Variants in PTPRT observed in about 807,000 individuals in gnomAD.
PTPRT encodes the protein receptor-type tyrosine-protein phosphatase T.
PTPRT carries 56 observed loss-of-function variants against 176.8 expected under a neutral mutation model. The ratio of observed to expected loss-of-function variants is 0.32; its 90% CI spans 0.26 to 0.40. PTPRT has a LOEUF of 0.40. Ranked by LOEUF, PTPRT falls within the 10% of genes least tolerant of loss-of-function variation. The pLI is 1.00. For missense variants in PTPRT, 1,540 were observed against 1,908.2 expected (o/e 0.81, Z 3.60); for synonymous variants, 783 against 739.0 (o/e 1.06, Z -0.96).
intron 1 of PTPRT, among the ~76,000 whole-genome samples, chr20:43,184,661 C>T (rs1031885398): frequency 4.0e-5 from 6 of 151,836 alleles, no homozygotes; most frequent in African/African-American, 9.7e-5. Flanking sequence ...TGCTCCAGCC[C>T]GGCGACAGAG....
chr20:42,233,293 A>G lies in PTPRT; in HGVS notation c.2342+2936T>C, dbSNP rs539576096. On this transcript the variant is annotated intron_variant, in intron 15 of 30. Coordinates refer to ENST00000373187, the MANE Select transcript of PTPRT (RefSeq NM_007050.6). Reference sequence around the variant, plus strand: ...GCTTGGGAGCTCCACCAGCATTCTCACTGCAATATATCCAGAGTCATATGC... The same window carrying G: ...GCTTGGGAGCTCCACCAGCATTCTCGCTGCAATATATCCAGAGTCATATGC... Among the ~76,000 whole-genome samples, 305 of 152,154 alleles carry G rather than the reference A, an allele frequency of 2.0e-3. 2 individuals carry two copies. Among genetic ancestry groups the G allele is most frequent in the African/African-American group, 6.9e-3 (285 of 41,488 alleles).
chr20:42,713,403 C>T (rs146681608), intron 6 of PTPRT, among the ~76,000 whole-genome samples: 75 of 152,200 alleles, frequency 4.9e-4, no homozygotes, highest in Admixed American at 2.9e-3. Flanking sequence ...AAGATGCTGA[C>T]GAATCTCAAG....
intron 6 of PTPRT, among the ~76,000 whole-genome samples, chr20:42,743,435 CAG>C (rs908247536): frequency 2.0e-5 from 3 of 152,204 alleles, no homozygotes; most frequent in African/African-American, 7.2e-5. Context: ...GGTGGGAAAG[CAG>C]AGATTTTATT....
chr20:43,093,942 C>G (rs78866169), intron 1 of PTPRT, among the ~76,000 whole-genome samples: 1 of 152,110 alleles, frequency 6.6e-6, no homozygotes, highest in Non-Finnish European at 1.5e-5. Flanking sequence ...AAGATTCAGC[C>G]TAAATTCCAC....
chr20:42,718,157 T>C (rs919303368), intron 6 of PTPRT, among the ~76,000 whole-genome samples: 1 of 152,258 alleles, frequency 6.6e-6, no homozygotes, highest in Non-Finnish European at 1.5e-5. Flanking sequence ...TGGTTCATTA[T>C]GTCTAAATAA....
intron 9 of PTPRT, among the ~76,000 whole-genome samples, chr20:42,369,533 G>A (rs2058559665): frequency 6.6e-6 from 1 of 152,120 alleles, no homozygotes; most frequent in South Asian, 2.1e-4. Flanking sequence ...TGCTAAGAGG[G>A]CTGAATATAT....
chr20:42,171,836 T>A (rs1215190722), intron 16 of PTPRT, among the ~76,000 whole-genome samples: 2 of 151,872 alleles, frequency 1.3e-5, no homozygotes, highest in African/African-American at 2.4e-5. Context: ...AAATGAGAAA[T>A]CATCCTGTAG....
intron 1 of PTPRT, among the ~76,000 whole-genome samples, chr20:43,075,537 A>T (rs1341365137): frequency 1.3e-5 from 2 of 152,244 alleles, no homozygotes; most frequent in Non-Finnish European, 2.9e-5. Flanking sequence ...GGATTCCTGC[A>T]CATATGGGCC....
intron 1 of PTPRT, among the ~76,000 whole-genome samples, chr20:43,099,516 T>C (rs887785360): frequency 4.6e-5 from 7 of 152,182 alleles, no homozygotes; most frequent in African/African-American, 1.7e-4. Flanking sequence ...AAAGGTACAT[T>C]GATAGGACAA....
At chr20:42,435,208 T>A (rs925016207) in intron 9 of PTPRT, among the ~76,000 whole-genome samples, 7 of 152,296 alleles carry the variant, frequency 4.6e-5, no homozygotes, top group South Asian at 2.1e-4. Flanking sequence ...TGTGAGTCCC[T>A]TTGTTTATAA....
chr20:43,085,141 G>T (rs77683527), intron 1 of PTPRT, among the ~76,000 whole-genome samples: 1,831 of 152,264 alleles, frequency 0.012, 40 homozygotes, highest in African/African-American at 0.042. Flanking sequence ...CTCCAGAGAA[G>T]AACTGCAGAG....
At chr20:42,146,016 T>C (rs931972772) in intron 17 of PTPRT, among the ~76,000 whole-genome samples, 2 of 152,222 alleles carry the variant, frequency 1.3e-5, no homozygotes, top group African/African-American at 4.8e-5. Flanking sequence ...TTCGTATTTC[T>C]CTTCTTGCTC....
intron 1 of PTPRT, among the ~76,000 whole-genome samples, chr20:42,987,848 A>G (rs1983688421): frequency 6.6e-6 from 1 of 152,184 alleles, no homozygotes; most frequent in South Asian, 2.1e-4. Context: ...TTAAGGCCAC[A>G]GTCACCCGAA....
intron 6 of PTPRT, 33 bp downstream of exon 6, chr20:42,756,429 A>G (rs748504858): frequency 1.3e-6 from 2 of 1,489,932 alleles, no homozygotes; most frequent in Non-Finnish European, 9.0e-7. Flanking sequence ...CCAACCTTCC[A>G]TGGCAGTAGA....
chr20:42,972,676 CAAAAAAAA>C lies in PTPRT; in HGVS notation c.89-86752_89-86745del, dbSNP rs33947245. ...CAGAATGAGACTCCGTCTCAAAAAG[CAAAAAAAA>C]AAAAAAAAAAAAAAGGAAGAAGAAG... On this transcript the variant is annotated intron_variant, in intron 1 of 30. Transcript: ENST00000373187. Among the ~76,000 whole-genome samples, 117 of 77,582 alleles carry C rather than the reference CAAAAAAAA, an allele frequency of 1.5e-3. 2 individuals are homozygous for C. The highest frequency in any genetic ancestry group is 2.4e-3 in the Non-Finnish European group (103 of 43,736). The allele number at this position is 77,582 out of a possible 152,430, so 50.9% of individuals were successfully genotyped here. A position where few individuals can be genotyped will look rare whatever the true frequency, so the allele number is the denominator to read the frequency against.
intron 7 of PTPRT, among the ~76,000 whole-genome samples, chr20:42,642,213 G>A (rs1013823418): frequency 6.6e-6 from 1 of 152,084 alleles, no homozygotes; most frequent in Non-Finnish European, 1.5e-5. Flanking sequence ...CAGGTTATTG[G>A]GCCAAAGCTA....
At chr20:42,202,647 G>C (rs934909569) in intron 15 of PTPRT, among the ~76,000 whole-genome samples, 6 of 152,182 alleles carry the variant, frequency 3.9e-5, no homozygotes, top group African/African-American at 1.4e-4. Flanking sequence ...AATTTGAAAA[G>C]AAATATAGCA....
At chr20:42,348,574 C>G (rs1018165404) in intron 11 of PTPRT, among the ~76,000 whole-genome samples, 7 of 152,070 alleles carry the variant, frequency 4.6e-5, no homozygotes, top group Admixed American at 2.0e-4. Flanking sequence ...CTGTTTGTCT[C>G]AATTTCTATA....
At chr20:43,100,531 A>G (rs1232845783) in intron 1 of PTPRT, among the ~76,000 whole-genome samples, 2 of 152,226 alleles carry the variant, frequency 1.3e-5, no homozygotes, top group East Asian at 1.9e-4. Flanking sequence ...TCATCAAAAC[A>G]TTAGGCCTTG....
Sources: gnomAD v4.1 joint callset for allele counts (sites outside exome capture counted in the v4.1 genomes callset) on GRCh38, gnomAD v4.1.1 for gene constraint, MANE v1.5 for transcripts, NCBI Gene and HGNC (gene_info 2026-07-23, HGNC 2026-07-21) for gene names.